The following CPLX1 variants were observed in gnomAD, a reference collection of about 807,000 sequenced individuals.
CPLX1 encodes complexin 1.
A neutral mutation model predicts 15.6 loss-of-function variants in CPLX1; 6 were observed. That is an observed-to-expected ratio of 0.39 (90% CI 0.21 to 0.76). The LOEUF (loss-of-function observed/expected upper bound fraction) is 0.76, where lower values mean the gene tolerates loss of function less well. CPLX1 is among the 30% of genes least tolerant of loss of function. The pLI, the probability that CPLX1 is intolerant of heterozygous loss-of-function variation, is 0.43. For synonymous variants in CPLX1, 91 were observed against 75.2 expected (o/e 1.21, Z -1.08); for missense variants, 242 against 188.6 (o/e 1.28, Z -1.66).
intron 2 of CPLX1, among the ~76,000 whole-genome samples, chr4:812,870 C>T (rs547333830): frequency 1.3e-5 from 2 of 152,310 alleles, no homozygotes; most frequent in South Asian, 2.1e-4. Flanking sequence ...TAATGCCAGG[C>T]ACCCTTACAA....
At chr4:810,750 G>T (rs980885910) in intron 2 of CPLX1, among the ~76,000 whole-genome samples, 10 of 150,342 alleles carry the variant, frequency 6.7e-5, no homozygotes, top group Non-Finnish European at 1.0e-4. Context: ...AGGCTGGAGT[G>T]CAATGGCGTG....
At chr4:804,788 C>T in intron 2 of CPLX1, 1 of 985,338 alleles carries the variant, frequency 1.0e-6, no homozygotes, top group Non-Finnish European at 1.2e-6. Flanking sequence ...CTGCAGAGTC[C>T]CAGAGACGGC....
chr4:821,059 T>C (rs1746853424), intron 2 of CPLX1, among the ~76,000 whole-genome samples: 1 of 152,102 alleles, frequency 6.6e-6, no homozygotes, highest in African/African-American at 2.4e-5. Context: ...CCCCAGATGT[T>C]CACCTGCTTC....
chr4:809,753 G>GT (rs1560244265), intron 2 of CPLX1, among the ~76,000 whole-genome samples: 1 of 152,132 alleles, frequency 6.6e-6, no homozygotes, highest in Non-Finnish European at 1.5e-5. Flanking sequence ...GGCCTGTGTG[G>GT]CCCCTCCCAC....
chr4:789,369 A>C (rs1243034622), intron 3 of CPLX1, among the ~76,000 whole-genome samples: 1 of 152,196 alleles, frequency 6.6e-6, no homozygotes, highest in African/African-American at 2.4e-5. Flanking sequence ...TGAGACCCTG[A>C]ACCCTGAAAA....
At chr4:811,378 T>A (rs1039420346) in intron 2 of CPLX1, among the ~76,000 whole-genome samples, 3 of 152,098 alleles carry the variant, frequency 2.0e-5, no homozygotes, top group African/African-American at 7.2e-5. Flanking sequence ...ACTCCTGGCC[T>A]CAGGCAATCC....
chr4:824,988 G>A (rs577148988), intron 1 of CPLX1: 3 of 356,370 alleles, frequency 8.4e-6, no homozygotes, highest in South Asian at 2.1e-5. Flanking sequence ...GCCCAGGGCC[G>A]TGGAGAAGGG....
In CPLX1 at chr4:786,335, C is replaced by G. The variant is rs1745986292; in HGVS notation, c.*166G>C. 3.2e-6 allele frequency: 2 copies of G among 622,606 alleles called. No homozygotes were observed. The highest frequency in any genetic ancestry group is 3.4e-5 in the East Asian group (1 of 29,220). 38.6% of individuals were successfully genotyped at this position (622,606 alleles called of 1,614,324 possible). A position where few individuals can be genotyped will look rare whatever the true frequency, so the allele number is the denominator to read the frequency against. On this transcript the variant is annotated 3_prime_UTR_variant, in exon 4 of 4. Transcript: ENST00000304062. ...GCGGACTGGGGGGGTCCTGGGGGCG[C>G]GCGCCCCTTGCCGGGTGAGGGAGGC...
intron 2 of CPLX1, among the ~76,000 whole-genome samples, chr4:798,928 C>A (rs1746399636): frequency 1.3e-5 from 2 of 152,160 alleles, no homozygotes; most frequent in South Asian, 4.1e-4. Context: ...AAGCATAAAT[C>A]TTAAAAAGAA....
At chr4:809,753 G>A (rs1560244264) in intron 2 of CPLX1, among the ~76,000 whole-genome samples, 1 of 152,132 alleles carries the variant, frequency 6.6e-6, no homozygotes, top group African/African-American at 2.4e-5. Context: ...GGCCTGTGTG[G>A]CCCCTCCCAC....
intron 3 of CPLX1, among the ~76,000 whole-genome samples, chr4:791,639 G>A (rs1454231706): frequency 6.6e-6 from 1 of 152,176 alleles, no homozygotes; most frequent in Non-Finnish European, 1.5e-5. Flanking sequence ...CCGAAGCCAG[G>A]CCATCTTGGC....
chr4:808,494 A>C (rs1055074054), intron 2 of CPLX1, among the ~76,000 whole-genome samples: 1 of 152,218 alleles, frequency 6.6e-6, no homozygotes, highest in Non-Finnish European at 1.5e-5. Context: ...TGCCACAGAA[A>C]AAGCAACCAA....
chr4:815,359 C>T (rs1048973008), intron 2 of CPLX1, among the ~76,000 whole-genome samples: 1 of 130,752 alleles, frequency 7.6e-6, no homozygotes, highest in Non-Finnish European at 1.5e-5. Context: ...TTCAGTGAGC[C>T]GAGATTGTGC....
In CPLX1 at chr4:791,005, CTG is replaced by C. The variant is rs372712240; in HGVS notation, c.207+1426_207+1427del. 2.3e-3 allele frequency among the ~76,000 whole-genome samples: 344 copies of C among 152,072 alleles called. 1 individual carries two copies. The highest frequency in any genetic ancestry group is 7.4e-3 in the African/African-American group (308 of 41,440). On this transcript the variant is annotated intron_variant, in intron 3 of 3. Transcript: ENST00000304062. ...CTGTCTTCTCTCTGTCTCTTTATCT[CTG>C]TGTCTCTGTTCCTCTCTGTTCTCTG...
intron 3 of CPLX1, chr4:788,546 C>T: frequency 1.0e-6 from 1 of 985,484 alleles, no homozygotes; most frequent in East Asian, 1.1e-4. Flanking sequence ...ACGTTCTCCG[C>T]ACAACAGGGG....
intron 2 of CPLX1, among the ~76,000 whole-genome samples, chr4:819,726 C>T (rs1576998520): frequency 6.6e-6 from 1 of 152,230 alleles, no homozygotes; most frequent in South Asian, 2.1e-4. Context: ...CCTCTTCTAG[C>T]TGTGGCAAGT....
At chr4:797,975 C>A (rs1274992798) in intron 2 of CPLX1, among the ~76,000 whole-genome samples, 3 of 151,306 alleles carry the variant, frequency 2.0e-5, no homozygotes, top group Admixed American at 1.3e-4. Context: ...ATGGTATAAA[C>A]AAAAGAACAG....
intron 2 of CPLX1, among the ~76,000 whole-genome samples, chr4:807,206 C>T (rs996240576): frequency 7.2e-5 from 11 of 152,256 alleles, no homozygotes; most frequent in African/African-American, 2.2e-4. Flanking sequence ...CCATTATCTT[C>T]AGCAAACTAA....
intron 2 of CPLX1, among the ~76,000 whole-genome samples, chr4:800,396 A>T (rs1006692065): frequency 2.0e-5 from 3 of 152,132 alleles, no homozygotes; most frequent in Non-Finnish European, 4.4e-5. Flanking sequence ...GCACTTTGGG[A>T]GGCCAAGGCG....
Sources: gnomAD v4.1 joint callset for allele counts (sites outside exome capture counted in the v4.1 genomes callset) on GRCh38, gnomAD v4.1.1 for gene constraint, MANE v1.5 for transcripts, NCBI Gene and HGNC (gene_info 2026-07-23, HGNC 2026-07-21) for gene names.